SCART1: variants seen among roughly 807,000 people sequenced by gnomAD.
SCART1 encodes the protein scavenger receptor family member expressed on T cells 1.
In SCART1, 62 loss-of-function variants were observed where a neutral mutation model predicts 36.2. That is an observed-to-expected ratio of 1.71 (90% CI 1.40 to 2.12). SCART1 has a LOEUF of 2.12. Among genes scored for constraint, SCART1 ranks in the 30% most tolerant of loss-of-function variants. SCART1 has a pLI of 0.00. For missense variants in SCART1, 1,041 were observed against 540.5 expected, an observed-to-expected ratio of 1.93 and a Z score of -9.18; for synonymous variants, 487 against 238.7, an observed-to-expected ratio of 2.04 and a Z score of -9.59.
chr10:133,459,711 C>G (rs1564834359), exon 6 of SCART1: 1 of 700,378 alleles, frequency 1.4e-6, no homozygotes, highest in South Asian at 1.5e-5. Flanking sequence ...CGTGCGCTGT[C>G]TGGGCACCGA....
At chr10:133,456,662 G>T in intron 2 of SCART1, 108 bp downstream of exon 2, 1 of 591,210 alleles carries the variant, frequency 1.7e-6, no homozygotes, top group Non-Finnish European at 3.0e-6. Flanking sequence ...GGCGGGTCTC[G>T]GAGACGGGCG....
At chr10:133,463,203 G>A (rs1167478000) in intron 6 of SCART1, among the ~76,000 whole-genome samples, 1 of 151,948 alleles carries the variant, frequency 6.6e-6, no homozygotes, top group East Asian at 1.9e-4. Context: ...CTGAACATGG[G>A]GCTGAGGTAC....
chr10:133,457,458 G>A (rs532511697), exon 3 of SCART1: 110 of 702,584 alleles, frequency 1.6e-4, no homozygotes, highest in African/African-American at 1.5e-3. Flanking sequence ...GGACGTGGGC[G>A]TCGTCAGGAA....
intron 1 of SCART1, 62 bp downstream of exon 1, chr10:133,454,126 G>A: frequency 1.4e-6 from 1 of 702,490 alleles, no homozygotes; most frequent in Non-Finnish European, 2.6e-6. Flanking sequence ...TTGATGCCCA[G>A]GCCCCGGGGC....
In SCART1 at chr10:133,465,533, C is replaced by A. The variant is rs866348462; in HGVS notation, c.2627C>A (p.Ala876Glu). 13 of 526,370 alleles carry A rather than the reference C, an allele frequency of 2.5e-5. No individual in the cohort carries two copies. In the South Asian group the frequency reaches 3.3e-4, roughly 13 times the overall value. 32.6% of individuals were successfully genotyped at this position (526,370 alleles called of 1,614,324 possible). The change falls in exon 9 of 12, where the codon GCG (alanine) becomes GAG (glutamate). Residue 876 changes from alanine to glutamate, a missense_variant. Physicochemically the swap from Ala to Glu is moderately radical, Grantham distance 107. Transcript: ENST00000640237. The stretch of plus-strand genomic sequence containing the variant: ...GAGCGGTGGGGACGCGGAGACCGCG[C>A]GCACGAGGAGGACGCGGGCGTGCGC...
exon 10 of SCART1, chr10:133,466,354 C>T: frequency 1.4e-6 from 1 of 702,980 alleles, no homozygotes; most frequent in Non-Finnish European, 2.6e-6. Flanking sequence ...TCTGATTCTG[C>T]CTCGAGTCAC....
At chr10:133,468,364 C>T (rs1420934316) in exon 12 of SCART1, 1 of 159,852 alleles carries the variant, frequency 6.3e-6, no homozygotes, top group Non-Finnish European at 1.4e-5. Flanking sequence ...AAAAACTCTT[C>T]TTAATTGAAT....
At chr10:133,465,618 A>T (rs570040915) in intron 9 of SCART1, 53 bp downstream of exon 9, 29 of 581,482 alleles carry the variant, frequency 5.0e-5, no homozygotes, top group Admixed American at 2.9e-4. Context: ...GGGCGCTGGG[A>T]TGGAGTCAGT....
At chr10:133,462,180 G>C (rs1443681157) in intron 6 of SCART1, among the ~76,000 whole-genome samples, 1 of 152,238 alleles carries the variant, frequency 6.6e-6, no homozygotes, top group African/African-American at 2.4e-5. Flanking sequence ...GCAGGCCGTG[G>C]AGCCCTGCTC....
exon 8 of SCART1, chr10:133,465,157 C>T (rs1284352596): frequency 2.8e-6 from 2 of 703,066 alleles, no homozygotes; most frequent in Non-Finnish European, 5.2e-6. Flanking sequence ...AACTGCTCCT[C>T]CTGGCTCGGC....
exon 2 of SCART1, chr10:133,456,536 G>C: frequency 1.5e-6 from 1 of 671,158 alleles, no homozygotes; most frequent in South Asian, 1.6e-5. Context: ...CGCATGGGTG[G>C]TGGTCGCGCT....
At chr10:133,464,278 T>C (rs1850736169) in intron 6 of SCART1, 1 of 333,304 alleles carries the variant, frequency 3.0e-6, no homozygotes, top group Non-Finnish European at 5.5e-6. Context: ...AACCTGGGCG[T>C]GCAGTGAACC....
Position 133,457,443 on chromosome 10 carries a change from C to T in SCART1, c.550C>T (p.Arg184Cys), listed in dbSNP as rs377020560. ...GTGCGGCCCTGTGCTCCAGGCCCCCCGCCGGGACGTGGGCGTCGTCAGGAA... is the reference window on the plus strand; with the variant it reads ...GTGCGGCCCTGTGCTCCAGGCCCCCTGCCGGGACGTGGGCGTCGTCAGGAA... The change falls in exon 3 of 12, where the codon CGC (arginine) becomes TGC (cysteine). Residue 184 changes from arginine (R) to cysteine (C), a missense_variant. Physicochemically the swap from Arg to Cys is radical, Grantham distance 180. Coordinates refer to ENST00000640237, the Ensembl canonical transcript of SCART1. 1.8e-3 allele frequency: 1,234 copies of T among 702,512 alleles called. 33 individuals carry two copies. The highest frequency in any genetic ancestry group is 0.017 in the South Asian group (1,172 of 67,568). The allele number at this position is 702,512 out of a possible 1,614,324, so 43.5% of individuals were successfully genotyped here. A position where few individuals can be genotyped will look rare whatever the true frequency, so the allele number is the denominator to read the frequency against.
At chr10:133,461,255 C>A (rs1850698333) in intron 6 of SCART1, among the ~76,000 whole-genome samples, 1 of 151,456 alleles carries the variant, frequency 6.6e-6, no homozygotes, top group Admixed American at 6.6e-5. Flanking sequence ...TCACGGGCTG[C>A]CCATCTGACC....
At chr10:133,461,473 C>T (rs537831311) in intron 6 of SCART1, among the ~76,000 whole-genome samples, 1 of 152,312 alleles carries the variant, frequency 6.6e-6, no homozygotes, top group South Asian at 2.1e-4. Context: ...ATTTCAATTA[C>T]TGTGTTCTTT....
At chr10:133,460,973 C>T (rs1463223553) in intron 6 of SCART1, among the ~76,000 whole-genome samples, 6 of 151,966 alleles carry the variant, frequency 3.9e-5, no homozygotes, top group Admixed American at 1.3e-4. Context: ...TGGACTCAAG[C>T]GATCCACCTG....
At chr10:133,464,721 G>C in exon 7 of SCART1, 1 of 700,672 alleles carries the variant, frequency 1.4e-6, no homozygotes, top group Non-Finnish European at 2.6e-6. Context: ...ACCTCTCCTT[G>C]TCCATCATCT....
At chr10:133,462,582 C>T (rs745915604) in intron 6 of SCART1, among the ~76,000 whole-genome samples, 6 of 152,222 alleles carry the variant, frequency 3.9e-5, no homozygotes, top group Non-Finnish European at 8.8e-5. Flanking sequence ...CCACAGGCAG[C>T]AGCAGCAAGG....
chr10:133,467,394 G>A, intron 11 of SCART1, 41 bp downstream of exon 11: 1 of 671,980 alleles, frequency 1.5e-6, no homozygotes, highest in Non-Finnish European at 2.7e-6. Flanking sequence ...TCTGGGGTGG[G>A]CTACGGATGC....
Sources: gnomAD v4.1 joint callset for allele counts (sites outside exome capture counted in the v4.1 genomes callset) on GRCh38, gnomAD v4.1.1 for gene constraint, MANE v1.5 for transcripts, NCBI Gene and HGNC (gene_info 2026-07-23, HGNC 2026-07-21) for gene names.